Variants in TCF7L2 observed in about 807,000 individuals in gnomAD.
TCF7L2 encodes transcription factor 7 like 2, also known as transcription factor 7-like 2.
TCF7L2 carries 23 observed loss-of-function variants against 77.9 expected under a neutral mutation model. The observed-to-expected ratio is 0.30, with a 90% CI of 0.21 to 0.42. TCF7L2 has a LOEUF of 0.42. Among genes scored for constraint, TCF7L2 ranks in the 10% least tolerant of loss-of-function variants. TCF7L2 has a pLI of 1.00. For missense variants in TCF7L2, 654 were observed against 793.1 expected (o/e 0.82, Z 2.11); for synonymous variants, 413 against 340.2 (o/e 1.21, Z -2.36).
chr10:113,022,267 A>G (rs2048376885), intron 4 of TCF7L2, among the ~76,000 whole-genome samples: 1 of 152,298 alleles, frequency 6.6e-6, no homozygotes, highest in African/African-American at 2.4e-5. Context: ...CACATGGCTG[A>G]TTGTGCTCTG....
At chr10:113,042,756 G>T (rs1443973960) in intron 5 of TCF7L2, among the ~76,000 whole-genome samples, 1 of 152,174 alleles carries the variant, frequency 6.6e-6, no homozygotes, top group Non-Finnish European at 1.5e-5. Context: ...ACAAATTTAT[G>T]ATTATATTTT....
At chr10:113,029,739 C>A (rs961712689) in intron 4 of TCF7L2, among the ~76,000 whole-genome samples, 12 of 151,978 alleles carry the variant, frequency 7.9e-5, no homozygotes, top group Non-Finnish European at 1.3e-4. Flanking sequence ...TTTGGTCAGT[C>A]TGGTCACACA....
chr10:113,022,184 G>C (rs912634778), intron 4 of TCF7L2, among the ~76,000 whole-genome samples: 1 of 152,174 alleles, frequency 6.6e-6, no homozygotes, highest in Admixed American at 6.5e-5. Context: ...TTTCTTGGTA[G>C]CCCTTGGGCA....
At chr10:112,986,003 G>A (rs1235161750) in intron 4 of TCF7L2, among the ~76,000 whole-genome samples, 1 of 152,132 alleles carries the variant, frequency 6.6e-6, no homozygotes, top group African/African-American at 2.4e-5. Context: ...AGGGGACAGT[G>A]TGATCTTCAA....
chr10:113,066,201 A>C (rs1050687418), intron 5 of TCF7L2, among the ~76,000 whole-genome samples: 3 of 152,062 alleles, frequency 2.0e-5, no homozygotes, highest in South Asian at 2.1e-4. Flanking sequence ...TGTCTCTACT[A>C]AAAATAAAAA....
intron 5 of TCF7L2, among the ~76,000 whole-genome samples, chr10:113,086,799 TA>T (rs1318903075): frequency 6.6e-6 from 1 of 152,062 alleles, no homozygotes; most frequent in African/African-American, 2.4e-5. Flanking sequence ...TCTCATGATA[TA>T]AAAAGATTCT....
intron 5 of TCF7L2, among the ~76,000 whole-genome samples, chr10:113,049,188 C>G (rs970248685): frequency 6.6e-6 from 1 of 151,076 alleles, no homozygotes; most frequent in Non-Finnish European, 1.5e-5. Context: ...ATCTCCGCTG[C>G]CCCCCCGCCC....
chr10:112,999,072 A>G (rs2044012232), intron 4 of TCF7L2, among the ~76,000 whole-genome samples: 1 of 152,218 alleles, frequency 6.6e-6, no homozygotes, highest in Non-Finnish European at 1.5e-5. Context: ...GCTGGAGTGC[A>G]GTGGCACAAT....
At chr10:112,996,959 T>C (rs2043596793) in intron 4 of TCF7L2, among the ~76,000 whole-genome samples, 1 of 152,170 alleles carries the variant, frequency 6.6e-6, no homozygotes, top group African/African-American at 2.4e-5. Flanking sequence ...TGCTCCGCCA[T>C]GATGGTGGAA....
chr10:113,013,528 G>C (rs1280975387), intron 4 of TCF7L2, among the ~76,000 whole-genome samples: 1 of 152,206 alleles, frequency 6.6e-6, no homozygotes, highest in South Asian at 2.1e-4. Context: ...CTAAAAAGAT[G>C]GGATATTTTG....
chr10:113,141,833 A>G (rs1476391517), intron 6 of TCF7L2, among the ~76,000 whole-genome samples: 1 of 152,126 alleles, frequency 6.6e-6, no homozygotes, highest in African/African-American at 2.4e-5. Flanking sequence ...TGGATTCTGC[A>G]TTTTCTTTGC....
chr10:112,959,934 A>G (rs1156805335), intron 3 of TCF7L2, among the ~76,000 whole-genome samples: 1 of 152,170 alleles, frequency 6.6e-6, no homozygotes, highest in Admixed American at 6.5e-5. Flanking sequence ...GCTACAGGGT[A>G]GAGAGGAAAG....
rs75941095 is a variant in TCF7L2, at chr10:113,150,564, C to T, written c.876-434C>T. ...CAAAAATGTATGTATATTTCAACCACGTTAATATTTTATTTAGCTGTCAAT... is the reference window on the plus strand; with the variant it reads ...CAAAAATGTATGTATATTTCAACCATGTTAATATTTTATTTAGCTGTCAAT... On this transcript the variant is annotated intron_variant, in intron 8 of 13. Coordinates refer to ENST00000627217, the MANE Select transcript of TCF7L2 (RefSeq NM_001146274.2). Among the ~76,000 whole-genome samples the T allele has an allele frequency of 1.4e-4, 21 of 152,246 alleles. No homozygotes were observed. In the East Asian group the frequency reaches 2.7e-3, roughly 20 times the overall value.
Position 113,105,473 on chromosome 10 carries a change from A to G in TCF7L2, c.553-35711A>G, listed in dbSNP as rs141587699. On this transcript the variant is annotated intron_variant, in intron 5 of 13. Coordinates refer to ENST00000627217, the MANE Select transcript of TCF7L2 (RefSeq NM_001146274.2). ...AGGCTGCCCAGGAAAGCCATAACAC[A>G]GGGACATTTGGTGGGCAGGTCCACT... Among the ~76,000 whole-genome samples the G allele has an allele frequency of 1.4e-3, 215 of 152,288 alleles. 1 individual carries two copies. Among genetic ancestry groups the G allele is most frequent in the Middle Eastern group, 6.8e-3 (2 of 294 alleles).
intron 13 of TCF7L2, among the ~76,000 whole-genome samples, chr10:113,161,873 C>T (rs367818432): frequency 6.6e-6 from 1 of 152,184 alleles, no homozygotes; most frequent in Non-Finnish European, 1.5e-5. Flanking sequence ...GCCACACAGA[C>T]AGCCCTCTGC....
At chr10:113,118,033 A>G (rs977297489) in intron 5 of TCF7L2, among the ~76,000 whole-genome samples, 1 of 146,796 alleles carries the variant, frequency 6.8e-6, no homozygotes, top group Non-Finnish European at 1.5e-5. Context: ...GCAAAAACCA[A>G]GTTTTTTTTG....
chr10:113,004,372 A>T (rs1234862032), intron 4 of TCF7L2, among the ~76,000 whole-genome samples: 3 of 152,118 alleles, frequency 2.0e-5, no homozygotes, highest in East Asian at 3.9e-4. Context: ...ATGGGTGTGG[A>T]AGTTAAAGTT....
intron 5 of TCF7L2, chr10:113,126,021 C>T (rs1404753046): frequency 6.6e-6 from 1 of 151,618 alleles, no homozygotes; most frequent in Non-Finnish European, 1.5e-5. Context: ...TCATTTTTTC[C>T]TACTATGCTT....
intron 5 of TCF7L2, among the ~76,000 whole-genome samples, chr10:113,109,350 C>G (rs893782121): frequency 2.6e-5 from 4 of 152,102 alleles, no homozygotes; most frequent in African/African-American, 9.7e-5. Context: ...CTATCAATGT[C>G]CCAGTAAGGG....
Sources: allele counts gnomAD v4.1 joint callset (sites outside exome capture counted in the v4.1 genomes callset), GRCh38; gene constraint gnomAD v4.1.1; transcripts MANE v1.5; gene names NCBI Gene and HGNC (gene_info 2026-07-23, HGNC 2026-07-21).